The following NSD1 variants were observed in gnomAD, a reference collection of about 807,000 sequenced individuals.
The protein encoded by NSD1 is histone-lysine N-methyltransferase, H3 lysine-36 specific.
In NSD1, 26 loss-of-function variants were observed where a neutral mutation model predicts 242.7. The ratio of observed to expected loss-of-function variants is 0.11; its 90% CI spans 0.08 to 0.15. NSD1 has a LOEUF of 0.15. Ranked by LOEUF, NSD1 falls within the 10% of genes least tolerant of loss-of-function variation. NSD1 has a pLI of 1.00. For synonymous variants in NSD1, 1,106 were observed against 1,178.1 expected, an observed-to-expected ratio of 0.94 and a Z score of 1.25; for missense variants, 2,495 against 3,272.8, an observed-to-expected ratio of 0.76 and a Z score of 5.80.
intron 9 of NSD1, 68 bp downstream of exon 9, chr5:177,244,338 C>T (rs1444191285): frequency 3.4e-6 from 4 of 1,168,448 alleles, no homozygotes; most frequent in Non-Finnish European, 5.1e-6. Flanking sequence ...CTGTTAACCA[C>T]AAAAATTGTT....
At chr5:177,252,259 A>G (rs1756032306) in intron 12 of NSD1, among the ~76,000 whole-genome samples, 1 of 152,184 alleles carries the variant, frequency 6.6e-6, no homozygotes, top group African/African-American at 2.4e-5. Flanking sequence ...TATTTTAGGT[A>G]AAAGGCATAG....
intron 5 of NSD1, among the ~76,000 whole-genome samples, chr5:177,215,847 A>T (rs940416980): frequency 6.6e-6 from 1 of 152,150 alleles, no homozygotes; most frequent in Non-Finnish European, 1.5e-5. Flanking sequence ...GCATCATTTT[A>T]TAAGTCCTTT....
At position 177,158,293 on chromosome 5, in the gene NSD1, CTTTCTTTCTTTTCTTTCTTTT is replaced by C. The variant is rs1378075002; in HGVS notation, c.927+22264_927+22284del. On this transcript the variant is annotated intron_variant, in intron 2 of 22. Coordinates refer to ENST00000439151, the MANE Select transcript of NSD1 (RefSeq NM_022455.5). Reference sequence around the variant, plus strand: ...TCTTTCTTTCTTTCTTTCTTTCTTTCTTTCTTTCTTTTCTTTCTTTTCTTTCTTTTCTTTCTTTTCTTTCTT... The same window carrying C: ...TCTTTCTTTCTTTCTTTCTTTCTTTCCTTTCTTTTCTTTCTTTTCTTTCTT... Among the ~76,000 whole-genome samples the C allele has an allele frequency of 1.3e-3, 102 of 77,746 alleles. 1 individual carries two copies. Among genetic ancestry groups the C allele is most frequent in the African/African-American group, 4.6e-3 (98 of 21,520 alleles). The allele number at this position is 77,746 out of a possible 152,430, so 51.0% of individuals were successfully genotyped here.
intron 3 of NSD1, among the ~76,000 whole-genome samples, chr5:177,194,409 C>G (rs1029960324): frequency 1.1e-4 from 17 of 148,872 alleles, no homozygotes; most frequent in African/African-American, 3.7e-4. Flanking sequence ...GCTGGAATAG[C>G]TGGGAGCACA....
chr5:177,150,711 ATTCCCT>A (rs1041815532), intron 2 of NSD1, among the ~76,000 whole-genome samples: 12 of 152,208 alleles, frequency 7.9e-5, no homozygotes, highest in Non-Finnish European at 1.8e-4. Context: ...GTTATGTGAT[ATTCCCT>A]CACATACCAG....
In NSD1 at chr5:177,295,755, G is replaced by C; in HGVS notation, c.*296G>C. 1.9e-6 allele frequency: 1 copy of C among 516,876 alleles called. No homozygotes were observed. The highest frequency in any genetic ancestry group is 3.5e-6 in the Non-Finnish European group (1 of 285,396). The allele number at this position is 516,876 out of a possible 1,614,324, so 32.0% of individuals were successfully genotyped here. On this transcript the variant is annotated 3_prime_UTR_variant, in exon 23 of 23. Coordinates refer to ENST00000439151, the MANE Select transcript of NSD1 (RefSeq NM_022455.5). This position sits in a 1 kb window ranked among gnomAD's most constrained non-coding sequence, Gnocchi z 4.3. ...CATCGTGAAATAAAAAGTCCACTCT[G>C]GAGTCAAGTATGGAATTCAATTCCG...
chr5:177,236,566 A>G (rs1765450936), intron 6 of NSD1, among the ~76,000 whole-genome samples: 1 of 152,200 alleles, frequency 6.6e-6, no homozygotes, highest in Non-Finnish European at 1.5e-5. Context: ...AATTCAGAAC[A>G]ATCCCTTTTT....
chr5:177,274,333 T>C (rs960603824), intron 17 of NSD1, among the ~76,000 whole-genome samples: 3 of 152,198 alleles, frequency 2.0e-5, no homozygotes, highest in Non-Finnish European at 2.9e-5. Flanking sequence ...CATTTTTATG[T>C]CATTTATATG....
rs1420195037 is a variant in NSD1 at position 177,297,851 on chromosome 5, C to T, written c.*2392C>T. 1.7e-5 allele frequency: 4 copies of T among 232,818 alleles called. No homozygotes were observed. The highest frequency in any genetic ancestry group is 3.4e-5 in the Non-Finnish European group (4 of 117,986). The allele number at this position is 232,818 out of a possible 1,614,324, so 14.4% of individuals were successfully genotyped here. On this transcript the variant is annotated 3_prime_UTR_variant, in exon 23 of 23. Transcript: ENST00000439151. ...CTTTGTGGTTTTATTTTGGTTCTTT[C>T]CATTCTCCGCCATTCATTGGAGGCT... is the stretch of plus-strand genomic sequence containing the variant.
At chr5:177,274,507 C>A (rs1472722795) in intron 17 of NSD1, among the ~76,000 whole-genome samples, 1 of 152,062 alleles carries the variant, frequency 6.6e-6, no homozygotes, top group Non-Finnish European at 1.5e-5. Context: ...TTTTTACAAA[C>A]CTCTTTTTAT....
chr5:177,250,857 C>T (rs949055863), intron 11 of NSD1, among the ~76,000 whole-genome samples: 8 of 152,198 alleles, frequency 5.3e-5, no homozygotes, highest in Admixed American at 2.0e-4. Context: ...CTTACTTAGT[C>T]ACCTTTCCCC....
chr5:177,154,451 C>T (rs1757960386), intron 2 of NSD1, among the ~76,000 whole-genome samples: 1 of 152,038 alleles, frequency 6.6e-6, no homozygotes, highest in Non-Finnish European at 1.5e-5. Context: ...TAAGCTGACC[C>T]AATCATTTTT....
At position 177,249,688 on chromosome 5, in the gene NSD1, C is replaced by T. The variant is rs139890115; in HGVS notation, c.4641+1364C>T. Among the ~76,000 whole-genome samples the T allele has an allele frequency of 3.3e-3, 495 of 152,244 alleles. 3 individuals carry two copies. Among genetic ancestry groups the T allele is most frequent in the African/African-American group, 0.011 (458 of 41,534 alleles). On this transcript the variant is annotated intron_variant, in intron 11 of 22. Coordinates refer to ENST00000439151, the MANE Select transcript of NSD1 (RefSeq NM_022455.5). ...TTTTTTGGTAGAGATGGGGTTTCAC[C>T]GTGTTGGCGAGGATGGTCTCGATCT...
At chr5:177,247,967 A>G in intron 10 of NSD1, 1 of 985,460 alleles carries the variant, frequency 1.0e-6, no homozygotes, top group Non-Finnish European at 1.2e-6. Flanking sequence ...CAGTGGAACA[A>G]ACAGCCTCAG....
intron 2 of NSD1, among the ~76,000 whole-genome samples, chr5:177,180,031 G>C (rs1760529033): frequency 6.6e-6 from 1 of 151,964 alleles, no homozygotes; most frequent in African/African-American, 2.4e-5. Flanking sequence ...CTCCTGGGTA[G>C]CTGGGATTAC....
chr5:177,230,592 G>T (rs572128386), intron 5 of NSD1, among the ~76,000 whole-genome samples: 20 of 152,080 alleles, frequency 1.3e-4, no homozygotes, highest in Non-Finnish European at 2.6e-4. Flanking sequence ...TTGGAAGGCT[G>T]AGGTGAGCAG....
intron 11 of NSD1, among the ~76,000 whole-genome samples, chr5:177,248,693 G>A (rs780559869): frequency 1.5e-4 from 23 of 152,086 alleles, no homozygotes; most frequent in Non-Finnish European, 8.8e-5. Context: ...GCTTTGAGAT[G>A]TTTTTCCTTT....
chr5:177,180,786 G>A (rs536835510), intron 2 of NSD1, among the ~76,000 whole-genome samples: 1 of 150,920 alleles, frequency 6.6e-6, no homozygotes, highest in Non-Finnish European at 1.5e-5. Context: ...GGGTTCAAGC[G>A]ATTCTCCTGC....
At chr5:177,280,363 C>G (rs1007332153) in intron 17 of NSD1, among the ~76,000 whole-genome samples, 1 of 152,154 alleles carries the variant, frequency 6.6e-6, no homozygotes, top group Admixed American at 6.6e-5. Context: ...CAACCTCCGC[C>G]TCCTGGGTTC....
Sources: allele counts gnomAD v4.1 joint callset (sites outside exome capture counted in the v4.1 genomes callset), GRCh38; gene constraint gnomAD v4.1.1; non-coding constraint Gnocchi (gnomAD v3.1); transcripts MANE v1.5; gene names NCBI Gene and HGNC (gene_info 2026-07-23, HGNC 2026-07-21).